The following MTCL2 variants were observed in gnomAD, a reference collection of about 807,000 sequenced individuals.
MTCL2 encodes microtubule cross-linking factor 2.
chr20:36,793,582 C>G, the MTCL2 span: 1 of 1,551,650 alleles, frequency 6.4e-7, no homozygotes, highest in Non-Finnish European at 8.7e-7. This position sits in a 1 kb window ranked among gnomAD's most constrained non-coding sequence, Gnocchi z 6.8. Flanking sequence ...TCCCTGAGTG[C>G]TCCACCACAC....
At chr20:36,793,619 A>G in the MTCL2 span, 5 of 1,551,316 alleles carry the variant, frequency 3.2e-6, no homozygotes, top group African/African-American at 1.4e-5. This position sits in a 1 kb window ranked among gnomAD's most constrained non-coding sequence, Gnocchi z 6.8. Context: ...TCCATCGTTG[A>G]TGTTTCTCAA....
At chr20:36,829,330 C>T in the MTCL2 span, 6 of 964,666 alleles carry the variant, frequency 6.2e-6, no homozygotes, top group Non-Finnish European at 7.4e-6. Context: ...AGGTTCCTAT[C>T]GCATCACTGC....
chr20:36,795,759 G>A, the MTCL2 span, among the ~76,000 whole-genome samples: 1 of 151,658 alleles, frequency 6.6e-6, no homozygotes, highest in Admixed American at 6.6e-5. Context: ...CTGGGAGACA[G>A]AGCAAAACTC....
the MTCL2 span, among the ~76,000 whole-genome samples, chr20:36,808,355 G>GAAA: frequency 1.7e-5 from 2 of 119,776 alleles, no homozygotes; most frequent in Non-Finnish European, 3.5e-5. Flanking sequence ...CTCCATCTCG[G>GAAA]AAAAAAAAAA....
chr20:36,849,141 A>G, the MTCL2 span, among the ~76,000 whole-genome samples: 1 of 128,462 alleles, frequency 7.8e-6, no homozygotes, highest in Non-Finnish European at 1.5e-5. Flanking sequence ...AGCTCACTGC[A>G]ACCTCTGCCT....
chr20:36,781,209 C>G, the MTCL2 span: 1 of 152,138 alleles, frequency 6.6e-6, no homozygotes, highest in South Asian at 2.1e-4. Context: ...GCTCAGTGCT[C>G]TTTTTAAGAT....
At chr20:36,802,177 T>C in the MTCL2 span, among the ~76,000 whole-genome samples, 4 of 152,046 alleles carry the variant, frequency 2.6e-5, no homozygotes, top group African/African-American at 9.7e-5. Flanking sequence ...TCCCAGCTAC[T>C]GAGGAGGCTG....
At chr20:36,798,269 A>C in the MTCL2 span, among the ~76,000 whole-genome samples, 1 of 152,020 alleles carries the variant, frequency 6.6e-6, no homozygotes, top group Non-Finnish European at 1.5e-5. Context: ...CGGGTTTCAC[A>C]TGTTGGCCAG....
At chr20:36,833,498 G>A in the MTCL2 span, among the ~76,000 whole-genome samples, 4 of 152,232 alleles carry the variant, frequency 2.6e-5, no homozygotes, top group East Asian at 3.8e-4. Context: ...CAGGCCCCTC[G>A]GCTCCTGGGC....
the MTCL2 span, chr20:36,794,147 C>A: frequency 1.9e-6 from 3 of 1,551,248 alleles, no homozygotes; most frequent in Non-Finnish European, 2.6e-6. The surrounding 1 kb of genome is among the most constrained non-coding windows in gnomAD (Gnocchi z 5.4). Context: ...TCCGTCCAGG[C>A]GCTGCCGTGA....
chr20:36,796,059 G>A, the MTCL2 span, among the ~76,000 whole-genome samples: 1 of 152,166 alleles, frequency 6.6e-6, no homozygotes, highest in South Asian at 2.1e-4. Flanking sequence ...ACTTCCAAGT[G>A]TTTCCTGAAA....
the MTCL2 span, chr20:36,863,433 G>C: frequency 1.1e-3 from 1,121 of 981,830 alleles, 14 homozygotes; most frequent in African/African-American, 0.018. This position sits in a 1 kb window ranked among gnomAD's most constrained non-coding sequence, Gnocchi z 6.2. Context: ...GCGCGGCTCC[G>C]GCCGCTGGGG....
chr20:36,843,317 CAG>C, the MTCL2 span, among the ~76,000 whole-genome samples: 1 of 152,224 alleles, frequency 6.6e-6, no homozygotes, highest in Non-Finnish European at 1.5e-5. Flanking sequence ...GGATTTAACT[CAG>C]AGTCAGGGTT....
the MTCL2 span, among the ~76,000 whole-genome samples, chr20:36,827,101 T>G: frequency 2.0e-5 from 3 of 151,810 alleles, no homozygotes; most frequent in African/African-American, 7.3e-5. Flanking sequence ...CTGGAATGAA[T>G]GCAGTGGCGC....
the MTCL2 span, among the ~76,000 whole-genome samples, chr20:36,818,399 C>T: frequency 6.6e-6 from 1 of 151,970 alleles, no homozygotes; most frequent in South Asian, 2.1e-4. Flanking sequence ...ATAGCAAGAC[C>T]CTGTCTCAAA....
the MTCL2 span, among the ~76,000 whole-genome samples, chr20:36,855,413 T>C: frequency 6.6e-6 from 1 of 152,192 alleles, no homozygotes; most frequent in Non-Finnish European, 1.5e-5. Flanking sequence ...CTCTGACCCC[T>C]GCTGTGCCTC....
chr20:36,804,691 G>C, the MTCL2 span: 1 of 1,599,980 alleles, frequency 6.3e-7, no homozygotes, highest in South Asian at 1.1e-5. Flanking sequence ...CTAAAGGCTT[G>C]GCTGAGAGTA....
the MTCL2 span, among the ~76,000 whole-genome samples, chr20:36,809,431 G>A: frequency 6.6e-6 from 1 of 152,112 alleles, no homozygotes; most frequent in Non-Finnish European, 1.5e-5. Flanking sequence ...GGAAACTGAG[G>A]TCCTGAGAGA....
the MTCL2 span, among the ~76,000 whole-genome samples, chr20:36,797,890 T>C: frequency 6.6e-6 from 1 of 152,134 alleles, no homozygotes; most frequent in Non-Finnish European, 1.5e-5. Context: ...CTACATCCCA[T>C]CAGAGTGGCA....
Sources: gnomAD v4.1 joint callset for allele counts (sites outside exome capture counted in the v4.1 genomes callset) on GRCh38, gnomAD v4.1.1 for gene constraint, Gnocchi (gnomAD v3.1) non-coding constraint, MANE v1.5 for transcripts, NCBI Gene and HGNC (gene_info 2026-07-23, HGNC 2026-07-21) for gene names.